The following KIF26B variants were observed in gnomAD, a reference collection of about 807,000 sequenced individuals.
The protein encoded by KIF26B is kinesin-like protein KIF26B.
In KIF26B, 63 loss-of-function variants were observed where a neutral mutation model predicts 151.2. The ratio of observed to expected loss-of-function variants is 0.42; its 90% CI spans 0.34 to 0.51. KIF26B has a LOEUF of 0.51. KIF26B is among the 20% of genes least tolerant of loss of function. KIF26B has a pLI of 0.07. For synonymous variants in KIF26B, 1,357 were observed against 1,262.1 expected (o/e 1.08, Z -1.59); for missense variants, 2,813 against 2,913.6 (o/e 0.97, Z 0.79).
At chr1:245,414,384 C>A (rs145607170) in intron 3 of KIF26B, among the ~76,000 whole-genome samples, 3 of 152,292 alleles carry the variant, frequency 2.0e-5, no homozygotes, top group Non-Finnish European at 4.4e-5. Flanking sequence ...TCAGTGGAAG[C>A]CACTCCTGAG....
intron 2 of KIF26B, among the ~76,000 whole-genome samples, chr1:245,307,218 A>T (rs1412475717): frequency 4.6e-5 from 7 of 152,228 alleles, no homozygotes; most frequent in African/African-American, 1.7e-4. Flanking sequence ...GTCTTTGAAG[A>T]GATTGGCAGC....
chr1:245,426,216 C>G (rs553547567), intron 4 of KIF26B, among the ~76,000 whole-genome samples: 1 of 151,776 alleles, frequency 6.6e-6, no homozygotes. Context: ...TCCTCCCTCC[C>G]TTCTTTCCTC....
chr1:245,568,656 G>A (rs983586664), intron 5 of KIF26B, among the ~76,000 whole-genome samples: 4 of 152,198 alleles, frequency 2.6e-5, no homozygotes, highest in African/African-American at 9.7e-5. Flanking sequence ...GCTGGCCCTG[G>A]GCGTCACAGG....
At chr1:245,530,181 A>G (rs1166301377) in intron 4 of KIF26B, among the ~76,000 whole-genome samples, 1 of 152,230 alleles carries the variant, frequency 6.6e-6, no homozygotes, top group Non-Finnish European at 1.5e-5. Flanking sequence ...TCAGGCAATA[A>G]CAAATGCTGG....
rs569864470 is a variant in KIF26B, at chr1:245,704,562, G to T, written c.*1956G>T. On this transcript the variant is annotated 3_prime_UTR_variant, in exon 15 of 15. Transcript: ENST00000407071. ...ACAGGAGACATGCCCAAATCTGCTG[G>T]CTGAACAGGCTAAACTACAGTGAGA... 3.3e-5 allele frequency: 5 copies of T among 152,352 alleles called. No homozygotes were observed. The East Asian group carries it at 7.7e-4, about 24-fold the overall frequency. The allele number at this position is 152,352 out of a possible 1,614,324, so 9.4% of individuals were successfully genotyped here. A position where few individuals can be genotyped will look rare whatever the true frequency, so the allele number is the denominator to read the frequency against.
intron 4 of KIF26B, among the ~76,000 whole-genome samples, chr1:245,446,205 C>T (rs1659247299): frequency 6.6e-6 from 1 of 152,102 alleles, no homozygotes; most frequent in African/African-American, 2.4e-5. Context: ...AGTTGTAAGA[C>T]AGTGCTAAGT....
intron 2 of KIF26B, among the ~76,000 whole-genome samples, chr1:245,243,342 A>G (rs1670245176): frequency 2.0e-5 from 3 of 151,970 alleles, no homozygotes; most frequent in Admixed American, 1.3e-4. Context: ...TTCCCCTTCC[A>G]TGACCTAAAT....
At chr1:245,267,767 A>G (rs920230922) in intron 2 of KIF26B, among the ~76,000 whole-genome samples, 1 of 152,208 alleles carries the variant, frequency 6.6e-6, no homozygotes, top group African/African-American at 2.4e-5. Context: ...AGGAATTCTT[A>G]AATTGAGGCT....
In KIF26B at chr1:245,269,488, G is replaced by A. The variant is rs987891348; in HGVS notation, c.466-97346G>A. ...TTTTTGTTTTTTGTTTTTTTGAGAC[G>A]GAGGTTAGCTCTGTCGCCCAGGCTG... On this transcript the variant is annotated intron_variant, in intron 2 of 14. Transcript: ENST00000407071. 2.6e-5 allele frequency among the ~76,000 whole-genome samples: 4 copies of A among 151,564 alleles called. No individual in the cohort carries two copies. In the South Asian group the frequency reaches 8.4e-4, roughly 32 times the overall value.
At chr1:245,549,270 T>A (rs1392686070) in intron 5 of KIF26B, among the ~76,000 whole-genome samples, 1 of 152,204 alleles carries the variant, frequency 6.6e-6, no homozygotes, top group Non-Finnish European at 1.5e-5. Flanking sequence ...AGCATCCTGA[T>A]TTATGGAATA....
At chr1:245,310,095 CAATA>C (rs1325773965) in intron 2 of KIF26B, among the ~76,000 whole-genome samples, 2 of 147,156 alleles carry the variant, frequency 1.4e-5, no homozygotes, top group Admixed American at 6.8e-5. Flanking sequence ...TATAATAAAT[CAATA>C]AATATATATC....
intron 9 of KIF26B, among the ~76,000 whole-genome samples, chr1:245,637,032 C>G (rs2043841160): frequency 6.6e-6 from 1 of 152,072 alleles, no homozygotes; most frequent in South Asian, 2.1e-4. Flanking sequence ...GATATATACT[C>G]AGCAGTGGGA....
intron 2 of KIF26B, among the ~76,000 whole-genome samples, chr1:245,254,153 T>C (rs1363656957): frequency 6.6e-6 from 1 of 152,162 alleles, no homozygotes; most frequent in Non-Finnish European, 1.5e-5. Flanking sequence ...ATTTTCTAGA[T>C]CATTCAATAT....
chr1:245,511,059 C>T (rs192622674), intron 4 of KIF26B: 13 of 714,978 alleles, frequency 1.8e-5, no homozygotes, highest in South Asian at 6.0e-5. Flanking sequence ...TATTAGCAGA[C>T]GTGAAGAAAT....
At chr1:245,321,634 G>A (rs1316925385) in intron 2 of KIF26B, among the ~76,000 whole-genome samples, 5 of 152,238 alleles carry the variant, frequency 3.3e-5, no homozygotes, top group Non-Finnish European at 7.3e-5. Context: ...GAACACCGAA[G>A]CTTCGAAGGA....
intron 10 of KIF26B, among the ~76,000 whole-genome samples, chr1:245,657,609 A>G (rs1572182314): frequency 6.6e-6 from 1 of 152,124 alleles, no homozygotes; most frequent in East Asian, 1.9e-4. Context: ...TTTGGGCCAC[A>G]CCTACCTTTC....
chr1:245,575,867 C>A (rs546615150), intron 5 of KIF26B, among the ~76,000 whole-genome samples: 1 of 152,244 alleles, frequency 6.6e-6, no homozygotes, highest in African/African-American at 2.4e-5. Context: ...AATGAGGCAA[C>A]TGTGGCCTGA....
At chr1:245,678,592 A>C (rs12564948) in intron 10 of KIF26B, among the ~76,000 whole-genome samples, 1 of 151,874 alleles carries the variant, frequency 6.6e-6, no homozygotes, top group Non-Finnish European at 1.5e-5. Context: ...GGCCTGGCAC[A>C]GTGGCTCACG....
chr1:245,551,167 T>C (rs1164267605), intron 5 of KIF26B, among the ~76,000 whole-genome samples: 1 of 152,136 alleles, frequency 6.6e-6, no homozygotes, highest in African/African-American at 2.4e-5. Flanking sequence ...CACCTCAGCC[T>C]CTCAGGTAGC....
Sources: gnomAD v4.1 joint callset for allele counts (sites outside exome capture counted in the v4.1 genomes callset) on GRCh38, gnomAD v4.1.1 for gene constraint, MANE v1.5 for transcripts, NCBI Gene and HGNC (gene_info 2026-07-23, HGNC 2026-07-21) for gene names.